The following F8 variants were observed in gnomAD, a reference collection of about 807,000 sequenced individuals.
F8 encodes the protein coagulation factor VIII.
F8 carries 12 observed loss-of-function variants against 140.6 expected under a neutral mutation model. That is an observed-to-expected ratio of 0.09 (90% CI 0.05 to 0.14). The LOEUF is 0.14. Among genes scored for constraint, F8 ranks in the 10% least tolerant of loss-of-function variants. The pLI, the probability that F8 is intolerant of heterozygous loss-of-function variation, is 1.00. For missense variants in F8, 1,354 were observed against 1,720.7 expected, an observed-to-expected ratio of 0.79 and a Z score of 3.77; for synonymous variants, 585 against 614.6, an observed-to-expected ratio of 0.95 and a Z score of 0.71.
chrX:154,841,812 A>T (rs1380038902), intron 25 of F8, among the ~76,000 whole-genome samples: 1 of 111,638 alleles, frequency 9.0e-6, no homozygotes, highest in African/African-American at 3.2e-5. Flanking sequence ...ATTTGGATCC[A>T]TATTGCTAAT....
Position 154,969,533 on chromosome X carries a change from C to T in F8, c.807G>A (p.Arg269=). Reference sequence around the variant, plus strand: ...CAATCACATGCCAATAGACTGATTTCCTGTGGCATCCAATCAGACCTGTAA... The same window carrying T: ...CAATCACATGCCAATAGACTGATTTTCTGTGGCATCCAATCAGACCTGTAA... The part of the protein sequence containing the change: ...RSLPGLIGCH[R]KSVYWHVIGM... The change falls in exon 7 of 26, where the codon AGG becomes AGA. Residue 269 remains arginine, a synonymous_variant. Transcript: ENST00000360256. The T allele has an allele frequency of 1.7e-6, 2 of 1,210,171 alleles. No individual in the cohort carries two copies. The highest frequency in any genetic ancestry group is 2.2e-6 in the Non-Finnish European group (2 of 894,096).
chrX:154,947,967 T>A (rs1557280453), intron 12 of F8, 60 bp from the exon 13 acceptor site: 1 of 852,099 alleles, frequency 1.2e-6, no homozygotes, highest in East Asian at 3.2e-5. Flanking sequence ...TTTTGGATTG[T>A]GATTGTCATG....
At chrX:154,944,974 A>T (rs1404886418) in intron 13 of F8, among the ~76,000 whole-genome samples, 18 of 109,995 alleles carry the variant, frequency 1.6e-4, no homozygotes, top group Non-Finnish European at 2.5e-4. Flanking sequence ...AACAATGAGA[A>T]CACATGGACA....
At chrX:155,002,130 T>C (rs2073649586) in intron 1 of F8, among the ~76,000 whole-genome samples, 1 of 112,463 alleles carries the variant, frequency 8.9e-6, no homozygotes, top group East Asian at 2.8e-4. Flanking sequence ...CTTAGCGTAA[T>C]ATACTCAAGG....
At chrX:154,865,730 G>C (rs2072727220) in intron 22 of F8, among the ~76,000 whole-genome samples, 1 of 59,693 alleles carries the variant, frequency 1.7e-5, no homozygotes, top group South Asian at 7.8e-4. Context: ...AGAAGATAAA[G>C]AGAAAAGAAT....
intron 1 of F8, among the ~76,000 whole-genome samples, chrX:155,003,446 A>G: frequency 9.0e-6 from 1 of 110,638 alleles, no homozygotes; most frequent in Admixed American, 9.6e-5. Context: ...AAAAACACCA[A>G]CAACAACGGC....
intron 1 of F8, among the ~76,000 whole-genome samples, chrX:155,017,666 A>G (rs782627046): frequency 6.3e-5 from 7 of 111,302 alleles, no homozygotes; most frequent in Non-Finnish European, 3.8e-5. Flanking sequence ...TTATACCACA[A>G]TAAAGCTGGG....
chrX:154,952,342 T>A (rs1044293317), intron 12 of F8, among the ~76,000 whole-genome samples: 1 of 111,527 alleles, frequency 9.0e-6, no homozygotes, highest in Non-Finnish European at 1.9e-5. Flanking sequence ...ATTTTTAGAA[T>A]AATGGATAGT....
chrX:154,852,253 G>A (rs782361991), intron 25 of F8, among the ~76,000 whole-genome samples: 15 of 109,734 alleles, frequency 1.4e-4, no homozygotes, highest in Admixed American at 3.9e-4. Context: ...TTCTTGTTTT[G>A]TAGATACAGA....
chrX:154,942,967 A>G (rs782442841), intron 13 of F8, among the ~76,000 whole-genome samples: 11 of 108,500 alleles, frequency 1.0e-4, no homozygotes, highest in East Asian at 8.6e-4. Context: ...AAATTCAACA[A>G]CCCTTCATGC....
Position 154,903,980 on chromosome X carries a change from A to G in F8, c.5924T>C (p.Ile1975Thr), listed in dbSNP as rs2073023396. 1 of 1,210,802 alleles carries G rather than the reference A, an allele frequency of 8.3e-7. No individual in the cohort carries two copies. The highest frequency in any genetic ancestry group is 1.1e-6 in the Non-Finnish European group (1 of 894,595). The stretch of plus-strand genomic sequence containing the variant: ...AGTGAACACATGTCCACTGAAATGA[A>G]TAGAATGGATGTTTTCATTGCTGCC... Reference protein sequence around the residue: ...SMGSNENIHSIHFSGHVFTVR... With the variant: ...SMGSNENIHSTHFSGHVFTVR... The change falls in exon 18 of 26, where the codon ATT becomes ACT. Residue 1975 changes from isoleucine to threonine, a missense_variant. Ile to Thr is a moderately conservative substitution (Grantham distance 89). This residue lies in a region of F8 where 316 missense variants were observed against 485.4 expected (regional missense o/e 0.65). Transcript: ENST00000360256.
chrX:154,963,685 A>G (rs2124102287), intron 9 of F8, among the ~76,000 whole-genome samples: 1 of 111,781 alleles, frequency 8.9e-6, no homozygotes, highest in East Asian at 2.8e-4. Flanking sequence ...GTTTTCTTAT[A>G]ATTTTGTAGT....
At chrX:154,851,368 T>C (rs2072614012) in intron 25 of F8, among the ~76,000 whole-genome samples, 1 of 112,252 alleles carries the variant, frequency 8.9e-6, no homozygotes, top group Non-Finnish European at 1.9e-5. Context: ...TATTAGTTTT[T>C]GTTAGAGTGC....
chrX:154,901,459 G>A lies in F8; in HGVS notation c.6116-17C>T. ...TCTGACACTCTGAAATGAAACGGGT[G>A]GAACACAGTAACTAGAAGTGCACAA... On this transcript the variant is annotated splice_polypyrimidine_tract_variant and intron_variant, in intron 19 of 25. Coordinates refer to ENST00000360256, the MANE Select transcript of F8 (RefSeq NM_000132.4). 1 of 1,097,266 alleles carries A rather than the reference G, an allele frequency of 9.1e-7. No homozygotes were observed. Among genetic ancestry groups the A allele is most frequent in the Non-Finnish European group, 1.3e-6 (1 of 791,013 alleles). The allele number at this position is 1,097,266 out of a possible 1,213,427, so 90.4% of individuals were successfully genotyped here.
chrX:154,993,413 C>T (rs1221347384), intron 3 of F8, among the ~76,000 whole-genome samples: 2 of 111,620 alleles, frequency 1.8e-5, no homozygotes, highest in Admixed American at 9.5e-5. Context: ...TGCCACCATG[C>T]CCGGCTAATT....
intron 21 of F8, chrX:154,897,685 T>C (rs1333278863): frequency 2.7e-5 from 3 of 112,269 alleles, no homozygotes; most frequent in Non-Finnish European, 5.6e-5. Flanking sequence ...ACAAAAATCA[T>C]GATTTCTACT....
chrX:154,888,507 A>G (rs1321866145), intron 22 of F8, among the ~76,000 whole-genome samples: 3 of 72,785 alleles, frequency 4.1e-5, no homozygotes, highest in Non-Finnish European at 7.0e-5. Context: ...CGATTCTCCT[A>G]CCTCAACCTC....
chrX:154,871,267 T>G (rs1448853223), intron 22 of F8, among the ~76,000 whole-genome samples: 1 of 112,026 alleles, frequency 8.9e-6, no homozygotes, highest in Non-Finnish European at 1.9e-5. Flanking sequence ...AGGACAAAGC[T>G]GGAGGCATCA....
At chrX:154,908,186 C>T (rs2073047838) in intron 14 of F8, among the ~76,000 whole-genome samples, 1 of 111,799 alleles carries the variant, frequency 8.9e-6, no homozygotes, top group African/African-American at 3.2e-5. Context: ...TATATAGATA[C>T]CAACATTTTC....
Sources: gnomAD v4.1 joint callset for allele counts (sites outside exome capture counted in the v4.1 genomes callset) on GRCh38, gnomAD v4.1.1 for gene constraint, gnomAD v4.1.1 regional missense constraint, MANE v1.5 for transcripts, NCBI Gene and HGNC (gene_info 2026-07-23, HGNC 2026-07-21) for gene names.